Variants in GIGYF1 observed in about 807,000 individuals in gnomAD.
GIGYF1 encodes the protein GRB10-interacting GYF protein 1.
In GIGYF1, 84 loss-of-function variants were observed where a neutral mutation model predicts 147.1. That is an observed-to-expected ratio of 0.57 (90% confidence interval 0.48 to 0.68). The LOEUF is 0.68. GIGYF1 is among the 30% of genes least tolerant of loss of function. The pLI is 0.00. For synonymous variants in GIGYF1, 752 were observed against 589.5 expected, an observed-to-expected ratio of 1.28 and a Z score of -3.99; for missense variants, 1,485 against 1,393.7, an observed-to-expected ratio of 1.07 and a Z score of -1.04.
Position 100,685,132 on chromosome 7 carries a change from T to G in GIGYF1, c.1207A>C (p.Ile403Leu). The G allele has an allele frequency of 6.3e-7, 1 of 1,582,442 alleles. No individual in the cohort carries two copies. Among genetic ancestry groups the G allele is most frequent in the Non-Finnish European group, 8.6e-7 (1 of 1,163,210 alleles). Reference protein sequence around the residue: ...PPAAEDDIRGIQLSPGVGSSA... With the variant: ...PPAAEDDIRGLQLSPGVGSSA... Reference sequence around the variant, plus strand: ...GAGCCCACCCCGGGACTCAGCTGGATCCCCCGAATATCATCTGGAAGGCAT... The same window carrying G: ...GAGCCCACCCCGGGACTCAGCTGGAGCCCCCGAATATCATCTGGAAGGCAT... Residue 403 changes from isoleucine (I) to leucine (L), a missense_variant, in exon 14 of 27, where the codon ATC (isoleucine) becomes CTC (leucine). Ile to Leu is a conservative substitution (Grantham distance 5). Coordinates refer to ENST00000678049, the MANE Select transcript of GIGYF1 (RefSeq NM_001375765.1).
chr7:100,685,171 G>T (rs758747628), intron 13 of GIGYF1, 25 bp from the exon 14 acceptor site: 17 of 1,554,544 alleles, frequency 1.1e-5, no homozygotes, highest in Non-Finnish European at 1.4e-5. Flanking sequence ...ATAGGAGGTG[G>T]AAAGAAGGGC....
chr7:100,690,398 T>A (rs1207367190), intron 1 of GIGYF1, among the ~76,000 whole-genome samples: 1 of 152,088 alleles, frequency 6.6e-6, no homozygotes, highest in Non-Finnish European at 1.5e-5. Flanking sequence ...ATCCCAGCAC[T>A]GTGGGAGGCT....
intron 14 of GIGYF1, 26 bp downstream of exon 14, chr7:100,685,023 C>T: frequency 1.3e-6 from 2 of 1,555,510 alleles, no homozygotes; most frequent in South Asian, 1.2e-5. Flanking sequence ...GGGAAGGGTC[C>T]CTCCCGCTTT....
chr7:100,687,098 C>A, intron 8 of GIGYF1, 52 bp from the exon 9 acceptor site: 1 of 1,609,130 alleles, frequency 6.2e-7, no homozygotes, highest in Non-Finnish European at 8.5e-7. Flanking sequence ...CCCCTGCCAC[C>A]CTGTGCAACC....
rs201722803 is a variant in GIGYF1 at position 100,687,589 on chromosome 7, C to T, written c.289G>A (p.Val97Met). ...QRNFSLSVNSVAVLRLMGKGA... is the reference protein window; with the variant it reads ...QRNFSLSVNSMAVLRLMGKGA... The stretch of plus-strand genomic sequence containing the variant: ...TTCCCCATCAGCCTCAGCACAGCCA[C>T]GCTGTTCACTGACAGGGAGAAGTTT... Residue 97 changes from valine (V) to methionine (M), a missense_variant, in exon 7 of 27, where the codon GTG becomes ATG. By Grantham distance (21) the Val-to-Met change is conservative (BLOSUM62 1). Transcript: ENST00000678049. The T allele has an allele frequency of 4.3e-6, 7 of 1,612,434 alleles. No individual in the cohort carries two copies. Among genetic ancestry groups the T allele is most frequent in the Middle Eastern group, 1.7e-4 (1 of 5,940 alleles).
rs1804698027 is a variant in GIGYF1 at position 100,681,023 on chromosome 7, G to C, written c.*696C>G. 1 of 152,754 alleles carries C rather than the reference G, an allele frequency of 6.5e-6. No homozygotes were observed. The highest frequency in any genetic ancestry group is 2.4e-5 in the African/African-American group (1 of 41,474). The allele number at this position is 152,754 out of a possible 1,614,324, so 9.5% of individuals were successfully genotyped here. ...CGGCCAGCACAAGATGGCAGCCAGAGAGCTGGGGCCACTCGTCCAATTTGT... is the reference window on the plus strand; with the variant it reads ...CGGCCAGCACAAGATGGCAGCCAGACAGCTGGGGCCACTCGTCCAATTTGT... On this transcript the variant is annotated 3_prime_UTR_variant, in exon 27 of 27. Transcript: ENST00000678049.
In GIGYF1 at chr7:100,688,263, GC is replaced by G; in HGVS notation, c.-26del. On this transcript the variant is annotated 5_prime_UTR_variant, in exon 4 of 27. Coordinates refer to ENST00000678049, the MANE Select transcript of GIGYF1 (RefSeq NM_001375765.1). Reference sequence around the variant, plus strand: ...TCGTGGGGCTGGGCGTGTTTGAGAGGCCGGGGGTGGGGAGGAGGGGACCTGG... The same window carrying G: ...TCGTGGGGCTGGGCGTGTTTGAGAGGCGGGGGTGGGGAGGAGGGGACCTGG... The G allele has an allele frequency of 1.0e-5, 16 of 1,597,122 alleles. No individual in the cohort carries two copies. Among genetic ancestry groups the G allele is most frequent in the Non-Finnish European group, 1.3e-5 (15 of 1,166,888 alleles).
At position 100,687,504 on chromosome 7, in the gene GIGYF1, C is replaced by T. The variant is rs756342772; in HGVS notation, c.373+1G>A. The stretch of plus-strand genomic sequence containing the variant: ...CCCAGGACACGCCATCACCCCTCTA[C>T]CTCGGCTCCGCGTGCTGCCCCTGCC... On this transcript the variant is annotated splice_donor_variant, in intron 7 of 26. Transcript: ENST00000678049. LOFTEE classifies it high-confidence loss of function. 1.2e-6 allele frequency: 2 copies of T among 1,610,842 alleles called. No homozygotes were observed. The highest frequency in any genetic ancestry group is 1.7e-6 in the Non-Finnish European group (2 of 1,178,730).
Position 100,683,721 on chromosome 7 carries a change from G to A in GIGYF1, c.1970-89C>T, listed in dbSNP as rs546136361. 1.1e-4 allele frequency: 168 copies of A among 1,553,122 alleles called. 2 individuals carry two copies. The East Asian group carries it at 3.6e-3, about 34-fold the overall frequency. ...GCCGCAGCAGTGGGCTCCCCAGCCA[G>A]AATGGCAGCTAGGGGCGTGTGGGGG... On this transcript the variant is annotated intron_variant, in intron 19 of 26. Transcript: ENST00000678049.
chr7:100,683,698 C>T lies in GIGYF1; in HGVS notation c.1970-66G>A, dbSNP rs530945412. 3,555 of 1,561,636 alleles carry T rather than the reference C, an allele frequency of 2.3e-3. 6 individuals are homozygous for T. Among genetic ancestry groups the T allele is most frequent in the Non-Finnish European group, 2.6e-3 (2,948 of 1,132,510 alleles). On this transcript the variant is annotated intron_variant, in intron 19 of 26. Coordinates refer to ENST00000678049, the MANE Select transcript of GIGYF1 (RefSeq NM_001375765.1). ...CTTGGGCCCACTGATCTAGTCCAGC[C>T]GCAGCAGTGGGCTCCCCAGCCAGAA...
At position 100,687,598 on chromosome 7, in the gene GIGYF1, C is replaced by T. The variant is rs1805497117; in HGVS notation, c.280G>A (p.Val94Met). The T allele has an allele frequency of 4.3e-6, 7 of 1,612,068 alleles. No individual in the cohort carries two copies. The East Asian group carries it at 8.9e-5, about 21-fold the overall frequency. The change falls in exon 7 of 27, where the codon GTG becomes ATG. Residue 94 changes from valine to methionine, a missense_variant. Val to Met is a conservative substitution (Grantham distance 21). Transcript: ENST00000678049. ...AGCCTCAGCACAGCCACGCTGTTCACTGACAGGGAGAAGTTTCTCTGAGGA... is the reference window on the plus strand; with the variant it reads ...AGCCTCAGCACAGCCACGCTGTTCATTGACAGGGAGAAGTTTCTCTGAGGA... Reference protein sequence around the residue: ...EEEQRNFSLSVNSVAVLRLMG... With the variant: ...EEEQRNFSLSMNSVAVLRLMG...
chr7:100,682,482 A>T lies in GIGYF1; in HGVS notation c.2601T>A (p.Ser867Arg). The change falls in exon 24 of 27, where the codon AGT (serine) becomes AGA (arginine). Residue 867 changes from serine (S) to arginine (R), a missense_variant and splice_region_variant. Coordinates refer to ENST00000678049, the MANE Select transcript of GIGYF1 (RefSeq NM_001375765.1). Reference sequence around the variant, plus strand: ...GACCCGATAGGTGGCTGTATGAGTCACTGAAGGGGGAGGGTGAGTCAGGGT... The same window carrying T: ...GACCCGATAGGTGGCTGTATGAGTCTCTGAAGGGGGAGGGTGAGTCAGGGT... ...LKNSRSSPSL[S>R]DSYSHLSGRP... 1 of 1,611,422 alleles carries T rather than the reference A, an allele frequency of 6.2e-7. No individual in the cohort carries two copies. Among genetic ancestry groups the T allele is most frequent in the Non-Finnish European group, 8.5e-7 (1 of 1,179,862 alleles).
At chr7:100,686,610 C>G (rs1805365738) in intron 10 of GIGYF1, 39 bp downstream of exon 10, 20 of 1,575,608 alleles carry the variant, frequency 1.3e-5, no homozygotes, top group Non-Finnish European at 1.7e-5. Context: ...GTTCCTGCTC[C>G]CCACTGCCCC....
intron 20 of GIGYF1, 41 bp from the exon 21 acceptor site, chr7:100,683,485 C>T: frequency 6.2e-7 from 1 of 1,614,078 alleles, no homozygotes; most frequent in Non-Finnish European, 8.5e-7. Context: ...CTGCAGGGGA[C>T]AGCCTGGGGC....
In GIGYF1 at chr7:100,686,668, G is replaced by GCGGTCGC; in HGVS notation, c.668_674dup (p.Trp226ArgfsTer9). Reference sequence around the variant, plus strand: ...TCTCACCAGGGCTGGCGGAGCGCCAGCGGTCGCCGTCTCGCCGGGGCCCTG... The same window carrying GCGGTCGC: ...TCTCACCAGGGCTGGCGGAGCGCCAGCGGTCGCCGGTCGCCGTCTCGCCGGGGCCCTG... On this transcript the variant is annotated frameshift_variant, in exon 10 of 27. Coordinates refer to ENST00000678049, the MANE Select transcript of GIGYF1 (RefSeq NM_001375765.1). LOFTEE classifies it high-confidence loss of function. 6.2e-7 allele frequency: 1 copy of GCGGTCGC among 1,612,280 alleles called. No homozygotes were observed. The highest frequency in any genetic ancestry group is 8.5e-7 in the Non-Finnish European group (1 of 1,179,582).
chr7:100,691,957 C>A (rs967022432), intron 1 of GIGYF1, among the ~76,000 whole-genome samples: 2 of 152,276 alleles, frequency 1.3e-5, no homozygotes, highest in Non-Finnish European at 2.9e-5. Context: ...AGAGAACAGG[C>A]GGTCCCAGTG....
Position 100,688,232 on chromosome 7 carries a change from C to T in GIGYF1, c.7G>A (p.Ala3Thr), listed in dbSNP as rs141645400. 1 of 1,527,400 alleles carries T rather than the reference C, an allele frequency of 6.5e-7. No individual in the cohort carries two copies. The highest frequency in any genetic ancestry group is 1.4e-5 in the African/African-American group (1 of 71,986). 94.6% of individuals were successfully genotyped at this position (1,527,400 alleles called of 1,614,324 possible). A position where few individuals can be genotyped will look rare whatever the true frequency, so the allele number is the denominator to read the frequency against. The change falls in exon 4 of 27, where the codon GCA becomes ACA. Residue 3 changes from alanine to threonine, a missense_variant. Transcript: ENST00000678049. MA[A>T]ETLNFGPEWL... is the part of the protein sequence containing the mutation. ...TCAGGCCCAAAGTTGAGTGTCTCTG[C>T]TGCCATCGTGGGGCTGGGCGTGTTT... is the stretch of plus-strand genomic sequence containing the variant.
At position 100,681,512 on chromosome 7, in the gene GIGYF1, A is replaced by G; in HGVS notation, c.*207T>C. 1 of 423,842 alleles carries G rather than the reference A, an allele frequency of 2.4e-6. No individual in the cohort carries two copies. Among genetic ancestry groups the G allele is most frequent in the Non-Finnish European group, 4.1e-6 (1 of 242,004 alleles). 26.3% of individuals were successfully genotyped at this position (423,842 alleles called of 1,614,324 possible). ...CTTCAGTCGTTTAAAATTAAAAAAA[A>G]AAATAAAAAGAAAAACCCCCTCCCC... On this transcript the variant is annotated 3_prime_UTR_variant, in exon 27 of 27. Transcript: ENST00000678049.
Position 100,688,901 on chromosome 7 carries a change from C to T in GIGYF1, c.-444G>A, listed in dbSNP as rs1186336967. 3 of 160,278 alleles carry T rather than the reference C, an allele frequency of 1.9e-5. No homozygotes were observed. Among genetic ancestry groups the T allele is most frequent in the Non-Finnish European group, 2.8e-5 (2 of 72,586 alleles). The allele number at this position is 160,278 out of a possible 1,614,324, so 9.9% of individuals were successfully genotyped here. On this transcript the variant is annotated 5_prime_UTR_variant, in exon 2 of 27. Coordinates refer to ENST00000678049, the MANE Select transcript of GIGYF1 (RefSeq NM_001375765.1). Reference sequence around the variant, plus strand: ...GTGAAGAACTCGGGGAGGGAGGCAGCCGAGGCCAGGATGGACGTTCAGGGC... The same window carrying T: ...GTGAAGAACTCGGGGAGGGAGGCAGTCGAGGCCAGGATGGACGTTCAGGGC...
Sources: gnomAD v4.1 joint callset for allele counts (sites outside exome capture counted in the v4.1 genomes callset) on GRCh38, gnomAD v4.1.1 for gene constraint, MANE v1.5 for transcripts, NCBI Gene and HGNC (gene_info 2026-07-23, HGNC 2026-07-21) for gene names.